Variants in NOL6 observed in about 807,000 individuals in gnomAD.
NOL6 encodes nucleolar RNA-associated protein.
Under a neutral mutation model 131.7 loss-of-function variants are expected in NOL6, and 33 were observed. The observed-to-expected ratio is 0.25, with a 90% confidence interval of 0.19 to 0.33. The LOEUF (loss-of-function observed/expected upper bound fraction) is 0.33. Ranked by LOEUF, NOL6 falls within the 10% of genes least tolerant of loss-of-function variation. NOL6 has a pLI of 1.00. For missense variants in NOL6, 1,297 were observed against 1,494.5 expected (o/e 0.87, Z 2.18); for synonymous variants, 580 against 605.7 (o/e 0.96, Z 0.62).
In NOL6 at chr9:33,462,514, TG is replaced by T; in HGVS notation, c.*149del. On this transcript the variant is annotated 3_prime_UTR_variant, in exon 26 of 26. Transcript: ENST00000297990. ...GGAGCATCAGAGAGAAAGTTGGGGC[TG>T]GGTTTTGTTGGAGATGATTCAGCAT... The T allele has an allele frequency of 1.2e-6, 1 of 863,852 alleles. No homozygotes were observed. Among genetic ancestry groups the T allele is most frequent in the Non-Finnish European group, 1.8e-6 (1 of 562,882 alleles). The allele number at this position is 863,852 out of a possible 1,614,324, so 53.5% of individuals were successfully genotyped here. A position where few individuals can be genotyped will look rare whatever the true frequency, so the allele number is the denominator to read the frequency against.
intron 3 of NOL6, among the ~76,000 whole-genome samples, chr9:33,471,540 T>C (rs1463352778): frequency 6.6e-6 from 1 of 152,226 alleles, no homozygotes; most frequent in African/African-American, 2.4e-5. Context: ...TTTATTCCCT[T>C]AGATATCTAT....
In NOL6 at chr9:33,463,539, C is replaced by G. The variant is rs542519025; in HGVS notation, c.2995-98G>C. ...GCCCACCTTGGTTTCCTCCTTCCAT[C>G]TGACCACCCTCTATGGGCCCACCTG... On this transcript the variant is annotated intron_variant, in intron 23 of 25. Coordinates refer to ENST00000297990, the MANE Select transcript of NOL6 (RefSeq NM_022917.5). 3.5e-6 allele frequency: 4 copies of G among 1,140,422 alleles called. No homozygotes were observed. The African/African-American group carries it at 4.6e-5, about 13-fold the overall frequency. The allele number at this position is 1,140,422 out of a possible 1,614,324, so 70.6% of individuals were successfully genotyped here.
Position 33,466,309 on chromosome 9 carries a change from G to C in NOL6, c.2208C>G (p.Thr736=). The change falls in exon 17 of 26, where the codon ACC becomes ACG. Residue 736 remains threonine (T), a splice_region_variant and synonymous_variant. Coordinates refer to ENST00000297990, the MANE Select transcript of NOL6 (RefSeq NM_022917.5). ...KPCPAYVEPM[T]VVCHLEGSGQ... ...ACTCCCTCCCAAGGGCCCTCTTACC[G>C]GTCATGGGCTCCACGTAGGCCGGAC... 1 of 1,614,128 alleles carries C rather than the reference G, an allele frequency of 6.2e-7. No homozygotes were observed. Among genetic ancestry groups the C allele is most frequent in the South Asian group, 1.1e-5 (1 of 91,074 alleles).
Position 33,468,483 on chromosome 9 carries a change from T to C in NOL6, c.1206+25A>G, listed in dbSNP as rs199623015. ...CACCTTACTTGCAGGCCTCCTGGCA[T>C]AGACCTGGCCCTTCCCCAACTCACC... On this transcript the variant is annotated intron_variant, in intron 9 of 25. Transcript: ENST00000297990. 6.4e-4 allele frequency: 1,032 copies of C among 1,613,964 alleles called. 2 individuals are homozygous for C. The highest frequency in any genetic ancestry group is 1.3e-3 in the Middle Eastern group (8 of 6,062).
At chr9:33,465,186 G>A (rs1396385143) in intron 20 of NOL6, 21 bp downstream of exon 20, 1 of 1,579,714 alleles carries the variant, frequency 6.3e-7, no homozygotes, top group Non-Finnish European at 8.6e-7. Flanking sequence ...TCTCAGCTGG[G>A]GAAAAAGTGG....
chr9:33,463,203 C>T (rs369056877), intron 24 of NOL6, 44 bp downstream of exon 24: 49 of 1,611,186 alleles, frequency 3.0e-5, no homozygotes, highest in Non-Finnish European at 4.1e-5. Flanking sequence ...CTCAGCTTCA[C>T]CTGGAAGTCC....
In NOL6 at chr9:33,464,116, GCCCGAGC is replaced by G; in HGVS notation, c.2818_2824del (p.Ala940HisfsTer43). On this transcript the variant is annotated frameshift_variant, in exon 22 of 26. Coordinates refer to ENST00000297990, the MANE Select transcript of NOL6 (RefSeq NM_022917.5). LOFTEE classifies it high-confidence loss of function. ...AACAATGACCATGACGGGGAGCTGT[GCCCGAGC>G]TGCCAGGAAGCCACTGCGGATCTCC... is the stretch of plus-strand genomic sequence containing the variant. 1 of 1,612,866 alleles carries G rather than the reference GCCCGAGC, an allele frequency of 6.2e-7. No homozygotes were observed. The highest frequency in any genetic ancestry group is 8.5e-7 in the Non-Finnish European group (1 of 1,179,452).
In NOL6 at chr9:33,466,124, G is replaced by T. The variant is rs753467311; in HGVS notation, c.2311C>A (p.Gln771Lys). 3.7e-6 allele frequency: 6 copies of T among 1,612,724 alleles called. No individual in the cohort carries two copies. Among genetic ancestry groups the T allele is most frequent in the African/African-American group, 1.3e-5 (1 of 75,050 alleles). The change falls in exon 18 of 26, where the codon CAA (glutamine) becomes AAA (lysine). Residue 771 changes from glutamine to lysine, a missense_variant. By Grantham distance (53) the Gln-to-Lys change is moderately conservative. Coordinates refer to ENST00000297990, the MANE Select transcript of NOL6 (RefSeq NM_022917.5). Reference protein sequence around the residue: ...FQLRLAELLTQQHGLQCRATA... With the variant: ...FQLRLAELLTKQHGLQCRATA... ...GCACGGCACTGCAGACCATGCTGTT[G>T]TGTCAACAGCTCTGCCAGGCGCAGC...
At chr9:33,463,737 A>G (rs993669712) in intron 23 of NOL6, 94 bp downstream of exon 23, 1 of 1,350,290 alleles carries the variant, frequency 7.4e-7, no homozygotes, top group Non-Finnish European at 1.0e-6. Context: ...CTCACCAAAC[A>G]AGGGGACCGG....
At position 33,467,702 on chromosome 9, in the gene NOL6, G is replaced by A. The variant is rs1398344820; in HGVS notation, c.1591C>T (p.Pro531Ser). ...CTACACCACCTCACCTCTGGGACTG[G>A]GGGTCGAGAGTGAGCCAGCAGGTTC... ...RLNLLAHSRP[P>S]VPEWDISQDP... Residue 531 changes from proline to serine, a missense_variant, in exon 12 of 26, where the codon CCA (proline) becomes TCA (serine). Pro to Ser is a moderately conservative substitution (Grantham distance 74). Transcript: ENST00000297990. This position sits in a 1 kb window ranked among gnomAD's most constrained non-coding sequence, Gnocchi z 4.4. 6.4e-7 allele frequency: 1 copy of A among 1,565,856 alleles called. No individual in the cohort carries two copies. The highest frequency in any genetic ancestry group is 1.4e-5 in the African/African-American group (1 of 73,388).
In NOL6 at chr9:33,467,992, C is replaced by T. The variant is rs1827296794; in HGVS notation, c.1424+38G>A. On this transcript the variant is annotated intron_variant, in intron 11 of 25. Transcript: ENST00000297990. The surrounding 1 kb of genome is among the most constrained non-coding windows in gnomAD (Gnocchi z 4.4). ...CCCCACCACTGTAGCCCCGAAGAGACAGGACCCGCCAACATACCCTGTCAC... is the reference window on the plus strand; with the variant it reads ...CCCCACCACTGTAGCCCCGAAGAGATAGGACCCGCCAACATACCCTGTCAC... 1 of 1,613,720 alleles carries T rather than the reference C, an allele frequency of 6.2e-7. No homozygotes were observed. The highest frequency in any genetic ancestry group is 8.5e-7 in the Non-Finnish European group (1 of 1,179,880).
chr9:33,472,713 C>T (rs1827447330), intron 1 of NOL6: 1 of 434,714 alleles, frequency 2.3e-6, no homozygotes. Flanking sequence ...TGGCTGACGC[C>T]TGTAATCCCA....
At chr9:33,465,988 A>T in intron 18 of NOL6, 83 bp downstream of exon 18, 1 of 1,567,222 alleles carries the variant, frequency 6.4e-7, no homozygotes, top group South Asian at 1.2e-5. Context: ...CCAGCGTGGT[A>T]CCCACAGGGG....
chr9:33,469,759 C>T, intron 4 of NOL6, 92 bp from the exon 5 acceptor site: 1 of 1,478,734 alleles, frequency 6.8e-7, no homozygotes, highest in Non-Finnish European at 9.2e-7. Flanking sequence ...AGCCAGGGCT[C>T]CTCTGCTGAC....
chr9:33,463,227 T>A lies in NOL6; in HGVS notation c.3189+20A>T. The A allele has an allele frequency of 1.2e-6, 2 of 1,613,078 alleles. No homozygotes were observed. Among genetic ancestry groups the A allele is most frequent in the Middle Eastern group, 1.6e-4 (1 of 6,062 alleles). On this transcript the variant is annotated intron_variant, in intron 24 of 25. Transcript: ENST00000297990. Reference sequence around the variant, plus strand: ...ACCTGGAAGTCCCCTCCCCAGGTCATTCAGCTGTTTAGGACCAACCCTGAG... The same window carrying A: ...ACCTGGAAGTCCCCTCCCCAGGTCAATCAGCTGTTTAGGACCAACCCTGAG...
At position 33,467,779 on chromosome 9, in the gene NOL6, G is replaced by A; in HGVS notation, c.1514C>T (p.Ala505Val). 6.2e-7 allele frequency: 1 copy of A among 1,611,602 alleles called. No homozygotes were observed. The highest frequency in any genetic ancestry group is 1.3e-5 in the African/African-American group (1 of 74,936). Residue 505 changes from alanine (A) to valine (V), a missense_variant, in exon 12 of 26, where the codon GCT (alanine) becomes GTT (valine). Ala to Val is a moderately conservative substitution (Grantham distance 64, BLOSUM62 0). Coordinates refer to ENST00000297990, the MANE Select transcript of NOL6 (RefSeq NM_022917.5). The surrounding 1 kb of genome is among the most constrained non-coding windows in gnomAD (Gnocchi z 4.4). ...LQDNGGDYVS[A>V]ALGPLTTLLE... ...GAGGGTGGTCAGGGGGCCCAAAGCA[G>A]CTGAGACATAGTCCCCACCATTGTC...
Position 33,469,032 on chromosome 9 carries a change from G to C in NOL6, c.952C>G (p.Leu318Val), listed in dbSNP as rs776997312. 6.2e-7 allele frequency: 1 copy of C among 1,614,216 alleles called. No homozygotes were observed. Among genetic ancestry groups the C allele is most frequent in the Non-Finnish European group, 8.5e-7 (1 of 1,180,028 alleles). ...TCCTTCAGGCCCTGGGCTGAACTCA[G>C]AATGGTTGACAGCAGCTGCAAATGG... Reference protein sequence around the residue: ...ESHLQLLSTILSSAQGLKDGV... With the variant: ...ESHLQLLSTIVSSAQGLKDGV... Residue 318 changes from leucine to valine, a missense_variant, in exon 7 of 26, where the codon CTG (leucine) becomes GTG (valine). Transcript: ENST00000297990.
chr9:33,473,422 A>C (rs1827467881), intron 1 of NOL6, among the ~76,000 whole-genome samples: 1 of 152,154 alleles, frequency 6.6e-6, no homozygotes. Flanking sequence ...GCTCCAGGAG[A>C]GGCACCGTAT....
rs769722613 is a variant in NOL6, at chr9:33,469,637, G to A, written c.589C>T (p.Gln197Ter). 6.2e-7 allele frequency: 1 copy of A among 1,613,062 alleles called. No homozygotes were observed. The highest frequency in any genetic ancestry group is 1.1e-5 in the South Asian group (1 of 90,934). ...AGGGCACGCTTGCGGAAGTAGCGCT[G>A]GTTCAGCCCGTCCTTGTCCTGTAGG... ...EILQDKDGLN[Q>*]RYFRKRALYL... The change falls in exon 5 of 26, where the codon CAG becomes TAG. Residue 197 changes from glutamine (Q) to a stop codon, truncating the protein, a stop_gained. Coordinates refer to ENST00000297990, the MANE Select transcript of NOL6 (RefSeq NM_022917.5). LOFTEE classifies it high-confidence loss of function.
Sources: gnomAD v4.1 joint callset for allele counts (sites outside exome capture counted in the v4.1 genomes callset) on GRCh38, gnomAD v4.1.1 for gene constraint, Gnocchi (gnomAD v3.1) non-coding constraint, MANE v1.5 for transcripts, NCBI Gene and HGNC (gene_info 2026-07-23, HGNC 2026-07-21) for gene names.